Variants in ADAMTS17 observed in about 807,000 individuals in gnomAD.
ADAMTS17 encodes A disintegrin and metalloproteinase with thrombospondin motifs 17.
Under a neutral mutation model 141.5 loss-of-function variants are expected in ADAMTS17, and 113 were observed. The observed-to-expected ratio is 0.80, with a 90% CI of 0.69 to 0.93. ADAMTS17 has a LOEUF of 0.93. Ranked by LOEUF, ADAMTS17 falls within the 40% of genes least tolerant of loss-of-function variation. The pLI is 0.00. For missense variants in ADAMTS17, 1,659 were observed against 1,517.9 expected (o/e 1.09, Z -1.54); for synonymous variants, 768 against 630.6 (o/e 1.22, Z -3.27).
In ADAMTS17 at chr15:100,240,401, G is replaced by A. The variant is rs116184836; in HGVS notation, c.1075+13735C>T. Among the ~76,000 whole-genome samples, 369 of 152,330 alleles carry A rather than the reference G, an allele frequency of 2.4e-3. 4 individuals carry two copies. Among genetic ancestry groups the A allele is most frequent in the African/African-American group, 7.9e-3 (327 of 41,568 alleles). Reference sequence around the variant, plus strand: ...GGTAGCAACATATGCCACTGTGGCCGAAGGATTATTTTGAGCTGAAAGCAA... The same window carrying A: ...GGTAGCAACATATGCCACTGTGGCCAAAGGATTATTTTGAGCTGAAAGCAA... On this transcript the variant is annotated intron_variant, in intron 7 of 21. Coordinates refer to ENST00000268070, the MANE Select transcript of ADAMTS17 (RefSeq NM_139057.4).
At chr15:100,199,920 T>C (rs2041259132) in intron 7 of ADAMTS17, among the ~76,000 whole-genome samples, 1 of 152,148 alleles carries the variant, frequency 6.6e-6, no homozygotes, top group African/African-American at 2.4e-5. Context: ...AGGGAGCGCC[T>C]CCTCACAATG....
chr15:100,227,013 C>A (rs2042331588), intron 7 of ADAMTS17, among the ~76,000 whole-genome samples: 1 of 152,138 alleles, frequency 6.6e-6, no homozygotes, highest in South Asian at 2.1e-4. Flanking sequence ...AGATCCTGGG[C>A]AGAATAAGAA....
At chr15:100,213,531 T>C (rs1226431168) in intron 7 of ADAMTS17, among the ~76,000 whole-genome samples, 1 of 152,198 alleles carries the variant, frequency 6.6e-6, no homozygotes, top group East Asian at 1.9e-4. Context: ...CCCGTCAGCA[T>C]GGGAACAGAA....
chr15:100,103,252 G>A (rs557438129), intron 14 of ADAMTS17, among the ~76,000 whole-genome samples: 85 of 152,342 alleles, frequency 5.6e-4, no homozygotes, highest in African/African-American at 1.0e-3. Flanking sequence ...AGTAACACAC[G>A]TTAGAGATGC....
intron 3 of ADAMTS17, among the ~76,000 whole-genome samples, chr15:100,320,536 A>G (rs1403713292): frequency 6.6e-6 from 1 of 152,196 alleles, no homozygotes; most frequent in Non-Finnish European, 1.5e-5. Flanking sequence ...AATCGTCACT[A>G]AGAATAAGGG....
intron 18 of ADAMTS17, among the ~76,000 whole-genome samples, chr15:100,021,447 C>A (rs2061405710): frequency 6.6e-6 from 1 of 152,136 alleles, no homozygotes; most frequent in African/African-American, 2.4e-5. Context: ...CGCTAGGGTG[C>A]CATAACAGTC....
rs920164077 is a variant in ADAMTS17, at chr15:99,971,933, C to CAG, written c.*2467_*2468dup. 2.6e-5 allele frequency: 4 copies of CAG among 152,170 alleles called. No individual in the cohort carries two copies. Among genetic ancestry groups the CAG allele is most frequent in the African/African-American group, 4.8e-5 (2 of 41,422 alleles). The allele number at this position is 152,170 out of a possible 1,614,324, so 9.4% of individuals were successfully genotyped here. A position where few individuals can be genotyped will look rare whatever the true frequency, so the allele number is the denominator to read the frequency against. The stretch of plus-strand genomic sequence containing the variant: ...CTGAAATCACTGCTCGTGCCATGAA[C>CAG]AGAAGGTAGGCTGGTGGATTTCAAG... On this transcript the variant is annotated 3_prime_UTR_variant, in exon 22 of 22. Transcript: ENST00000268070.
In ADAMTS17 at chr15:100,212,380, C is replaced by T. The variant is rs138698492; in HGVS notation, c.1076-12957G>A. Reference sequence around the variant, plus strand: ...GAAGACAGGAGAAGCCTGCCAACTACGATTCAAAGTCCAGGGAGTTTCCTT... The same window carrying T: ...GAAGACAGGAGAAGCCTGCCAACTATGATTCAAAGTCCAGGGAGTTTCCTT... On this transcript the variant is annotated intron_variant, in intron 7 of 21. Coordinates refer to ENST00000268070, the MANE Select transcript of ADAMTS17 (RefSeq NM_139057.4). Among the ~76,000 whole-genome samples the T allele has an allele frequency of 1.7e-3, 261 of 152,302 alleles. 2 individuals are homozygous for T. The highest frequency in any genetic ancestry group is 5.8e-3 in the African/African-American group (243 of 41,562).
chr15:99,974,138 C>A lies in ADAMTS17; in HGVS notation c.*264G>T. The A allele has an allele frequency of 1.9e-6, 1 of 534,016 alleles. No individual in the cohort carries two copies. The highest frequency in any genetic ancestry group is 3.4e-6 in the Non-Finnish European group (1 of 295,310). 33.1% of individuals were successfully genotyped at this position (534,016 alleles called of 1,614,324 possible). A position where few individuals can be genotyped will look rare whatever the true frequency, so the allele number is the denominator to read the frequency against. The stretch of plus-strand genomic sequence containing the variant: ...ACGGTTGTCTGCCAGAGGTGCTTCC[C>A]TTCGAGGTACCTGAAATCCTAGAAA... On this transcript the variant is annotated 3_prime_UTR_variant, in exon 22 of 22. Coordinates refer to ENST00000268070, the MANE Select transcript of ADAMTS17 (RefSeq NM_139057.4).
intron 15 of ADAMTS17, among the ~76,000 whole-genome samples, chr15:100,075,869 T>G (rs555541971): frequency 1.3e-5 from 2 of 152,190 alleles, no homozygotes; most frequent in Non-Finnish European, 2.9e-5. Flanking sequence ...ACTCTCATAG[T>G]GCTGATTTTC....
intron 3 of ADAMTS17, among the ~76,000 whole-genome samples, chr15:100,318,255 C>G (rs944466958): frequency 6.6e-6 from 1 of 151,502 alleles, no homozygotes; most frequent in African/African-American, 2.4e-5. Flanking sequence ...CTAGATTTAC[C>G]AGACAAAATC....
At chr15:99,989,183 G>A (rs28634144) in intron 20 of ADAMTS17, among the ~76,000 whole-genome samples, 15,338 of 152,236 alleles carry the variant, frequency 0.1, 2,374 homozygotes, top group African/African-American at 0.33. Flanking sequence ...CTGAGCCTCT[G>A]TTCCCTCTTC....
intron 18 of ADAMTS17, among the ~76,000 whole-genome samples, chr15:100,011,696 A>G (rs993069137): frequency 6.6e-6 from 1 of 152,180 alleles, no homozygotes; most frequent in Admixed American, 6.5e-5. Context: ...ACAGTCTCCA[A>G]TCTCACTCAG....
At chr15:100,294,615 G>T (rs574118085) in intron 3 of ADAMTS17, among the ~76,000 whole-genome samples, 1 of 151,794 alleles carries the variant, frequency 6.6e-6, no homozygotes. Context: ...GGCTGAGGTC[G>T]GAGGATCACT....
chr15:100,251,916 G>A (rs2043167907), intron 7 of ADAMTS17, among the ~76,000 whole-genome samples: 1 of 152,182 alleles, frequency 6.6e-6, no homozygotes, highest in Non-Finnish European at 1.5e-5. Flanking sequence ...GCCCTCAGGA[G>A]AGGCAAAGTC....
intron 3 of ADAMTS17, among the ~76,000 whole-genome samples, chr15:100,293,179 A>G (rs1596464412): frequency 6.6e-6 from 1 of 152,046 alleles, no homozygotes; most frequent in Non-Finnish European, 1.5e-5. Context: ...CACCCAGAAG[A>G]GGGGCCAAGA....
chr15:100,007,936 C>T (rs560336012), intron 18 of ADAMTS17, among the ~76,000 whole-genome samples: 1 of 152,070 alleles, frequency 6.6e-6, no homozygotes, highest in South Asian at 2.1e-4. Flanking sequence ...GTGCAAGCAC[C>T]TGGGGGGAAT....
chr15:100,147,128 A>C (rs1199768322), intron 10 of ADAMTS17, among the ~76,000 whole-genome samples: 2 of 151,968 alleles, frequency 1.3e-5, no homozygotes, highest in Admixed American at 1.3e-4. Context: ...ATCCCTAATA[A>C]AAACTTGCTG....
intron 18 of ADAMTS17, among the ~76,000 whole-genome samples, chr15:100,030,470 G>C (rs1335391253): frequency 3.9e-5 from 6 of 152,134 alleles, no homozygotes; most frequent in Non-Finnish European, 5.9e-5. Flanking sequence ...CCCCCTACCA[G>C]GGCTCCAGTG....
Sources: gnomAD v4.1 joint callset for allele counts (sites outside exome capture counted in the v4.1 genomes callset) on GRCh38, gnomAD v4.1.1 for gene constraint, MANE v1.5 for transcripts, NCBI Gene and HGNC (gene_info 2026-07-23, HGNC 2026-07-21) for gene names.